The following MDGA2 variants were observed in gnomAD, a reference collection of about 807,000 sequenced individuals.
The protein encoded by MDGA2 is MAM domain-containing glycosylphosphatidylinositol anchor protein 2.
In MDGA2, 40 loss-of-function variants were observed where a neutral mutation model predicts 117.8. The ratio of observed to expected loss-of-function variants is 0.34; its 90% confidence interval spans 0.26 to 0.44. The LOEUF (loss-of-function observed/expected upper bound fraction) is 0.44. MDGA2 is among the 20% of genes least tolerant of loss of function. The pLI, the probability that MDGA2 is intolerant of heterozygous loss-of-function variation, is 1.00. For missense variants in MDGA2, 1,123 were observed against 1,250.6 expected (o/e 0.90, Z 1.54); for synonymous variants, 452 against 439.0 (o/e 1.03, Z -0.37).
At chr14:47,447,597 T>G (rs1462450576) in intron 1 of MDGA2, among the ~76,000 whole-genome samples, 1 of 152,156 alleles carries the variant, frequency 6.6e-6, no homozygotes, top group Non-Finnish European at 1.5e-5. Context: ...TATGGGGGCA[T>G]ACAGTAGTCA....
chr14:47,666,805 A>G (rs556026034), intron 1 of MDGA2, among the ~76,000 whole-genome samples: 1 of 152,074 alleles, frequency 6.6e-6, no homozygotes, highest in Non-Finnish European at 1.5e-5. Flanking sequence ...TTTATGAGCT[A>G]TAACACTCAC....
At chr14:47,489,457 T>C (rs1390551680) in intron 1 of MDGA2, among the ~76,000 whole-genome samples, 2 of 152,092 alleles carry the variant, frequency 1.3e-5, no homozygotes, top group Admixed American at 1.3e-4. Context: ...ATTTCCTACA[T>C]GCTACCTTTT....
rs557468512 is a variant in MDGA2, at chr14:47,530,666, G to A, written c.280+143851C>T. Among the ~76,000 whole-genome samples the A allele has an allele frequency of 2.6e-5, 4 of 152,088 alleles. No individual in the cohort carries two copies. The South Asian group carries it at 8.3e-4, about 32-fold the overall frequency. On this transcript the variant is annotated intron_variant, in intron 1 of 16. Transcript: ENST00000399232. ...AGGACCAGAAGGCAGTGACCCCCCT[G>A]GACCCCCTATCTTGTGTGTGTCTAT...
chr14:47,170,135 C>T (rs1045041360), intron 3 of MDGA2, among the ~76,000 whole-genome samples: 19 of 152,240 alleles, frequency 1.2e-4, no homozygotes, highest in African/African-American at 4.6e-4. Context: ...AGTTCATGCC[C>T]TTTAATCCCA....
rs779842378 is a variant in MDGA2, at chr14:46,875,034, T to C, written c.2438-834A>G. ...GTGTATCCTTGAGAAAGAATAAACA[T>C]AATGTATATTATTTCACTCAGCCTC... On this transcript the variant is annotated intron_variant, in intron 12 of 16. Coordinates refer to ENST00000399232, the MANE Select transcript of MDGA2 (RefSeq NM_001113498.3). Among the ~76,000 whole-genome samples, 43 of 151,686 alleles carry C rather than the reference T, an allele frequency of 2.8e-4. 1 individual carries two copies. The highest frequency in any genetic ancestry group is 7.2e-4 in the Admixed American group (11 of 15,180).
intron 3 of MDGA2, among the ~76,000 whole-genome samples, chr14:47,174,597 A>C (rs192254269): frequency 0.024 from 3,666 of 152,188 alleles, 154 homozygotes; most frequent in African/African-American, 0.082. Context: ...TCTTTGAAAC[A>C]AATAAGAACA....
At chr14:46,847,028 T>C (rs757240898) in intron 15 of MDGA2, among the ~76,000 whole-genome samples, 17 of 152,090 alleles carry the variant, frequency 1.1e-4, no homozygotes, top group Admixed American at 8.5e-4. Flanking sequence ...AAAGCTGCTG[T>C]CCTGGGAAAG....
intron 1 of MDGA2, among the ~76,000 whole-genome samples, chr14:47,517,143 A>C (rs1894770513): frequency 6.6e-6 from 1 of 152,168 alleles, no homozygotes; most frequent in Non-Finnish European, 1.5e-5. Context: ...CAGTCAGATA[A>C]AATGAATCTT....
chr14:47,531,000 C>T (rs1895086596), intron 1 of MDGA2, among the ~76,000 whole-genome samples: 1 of 152,136 alleles, frequency 6.6e-6, no homozygotes, highest in Non-Finnish European at 1.5e-5. Context: ...AATCCCAGCA[C>T]TTTGGGAGGC....
chr14:47,572,023 T>C (rs1475347234), intron 1 of MDGA2, among the ~76,000 whole-genome samples: 2 of 152,224 alleles, frequency 1.3e-5, no homozygotes, highest in African/African-American at 4.8e-5. Context: ...ATACAGAATC[T>C]GGTTTTTGGT....
At chr14:47,205,040 A>C (rs1369350437) in intron 3 of MDGA2, among the ~76,000 whole-genome samples, 3 of 151,970 alleles carry the variant, frequency 2.0e-5, no homozygotes, top group African/African-American at 4.8e-5. Flanking sequence ...AAATTTTTTC[A>C]AATGACAAAT....
intron 7 of MDGA2, among the ~76,000 whole-genome samples, chr14:47,042,846 C>G (rs868545950): frequency 2.0e-4 from 30 of 152,140 alleles, no homozygotes; most frequent in Middle Eastern, 6.8e-3. Flanking sequence ...TGACTCTAAT[C>G]TGTATTTTAA....
chr14:47,657,524 G>A (rs1447977470), intron 1 of MDGA2, among the ~76,000 whole-genome samples: 1 of 152,100 alleles, frequency 6.6e-6, no homozygotes, highest in Non-Finnish European at 1.5e-5. Flanking sequence ...CATTCCTCAA[G>A]GAAACTAACT....
intron 1 of MDGA2, among the ~76,000 whole-genome samples, chr14:47,309,541 T>G (rs1889567014): frequency 6.6e-6 from 1 of 152,096 alleles, no homozygotes; most frequent in African/African-American, 2.4e-5. Flanking sequence ...TTGGGTAGCA[T>G]TGTTATAAAG....
intron 1 of MDGA2, among the ~76,000 whole-genome samples, chr14:47,557,065 A>G (rs1422458487): frequency 6.6e-6 from 1 of 152,198 alleles, no homozygotes; most frequent in Non-Finnish European, 1.5e-5. Context: ...GGAGGGAACA[A>G]CCATGCATTT....
chr14:46,964,205 T>A (rs1885923574), intron 8 of MDGA2, among the ~76,000 whole-genome samples: 1 of 152,206 alleles, frequency 6.6e-6, no homozygotes, highest in African/African-American at 2.4e-5. Flanking sequence ...AGCTTAGACT[T>A]CCACTTGTCC....
At chr14:46,865,895 T>A (rs1366078198) in intron 14 of MDGA2, among the ~76,000 whole-genome samples, 4 of 150,610 alleles carry the variant, frequency 2.7e-5, no homozygotes, top group African/African-American at 9.7e-5. Flanking sequence ...TAAAAGAGGA[T>A]ACAAACAAAT....
intron 3 of MDGA2, among the ~76,000 whole-genome samples, chr14:47,151,915 A>T (rs1883179020): frequency 6.6e-6 from 1 of 152,106 alleles, no homozygotes; most frequent in Admixed American, 6.5e-5. Flanking sequence ...AAGGAAGATT[A>T]ATCTGTCATG....
intron 1 of MDGA2, among the ~76,000 whole-genome samples, chr14:47,361,895 C>G (rs1407296259): frequency 6.6e-6 from 1 of 152,148 alleles, no homozygotes; most frequent in Non-Finnish European, 1.5e-5. Flanking sequence ...ATTCGAAGCA[C>G]TCTTCTTCAT....
Sources: allele counts gnomAD v4.1 joint callset (sites outside exome capture counted in the v4.1 genomes callset), GRCh38; gene constraint gnomAD v4.1.1; transcripts MANE v1.5; gene names NCBI Gene and HGNC (gene_info 2026-07-23, HGNC 2026-07-21).